ADORA2B: variants seen among roughly 807,000 people sequenced by gnomAD.
The protein encoded by ADORA2B is adenosine receptor A2b.
A neutral mutation model predicts 20.8 loss-of-function variants in ADORA2B; 18 were observed. The observed-to-expected ratio is 0.87, with a 90% confidence interval of 0.60 to 1.29. The LOEUF is 1.29. ADORA2B is among the 50% of genes most tolerant of loss of function. The pLI is 0.00. For synonymous variants in ADORA2B, 179 were observed against 178.3 expected (o/e 1.00, Z -0.03); for missense variants, 441 against 422.7 (o/e 1.04, Z -0.38).
At chr17:15,933,510 G>T in the ADORA2B span, among the ~76,000 whole-genome samples, 2 of 152,006 alleles carry the variant, frequency 1.3e-5, no homozygotes, top group African/African-American at 2.4e-5. Context: ...TAAAAGTCTT[G>T]TGCTTCTTTG....
the ADORA2B span, among the ~76,000 whole-genome samples, chr17:15,861,824 T>G: frequency 1.3e-5 from 2 of 152,240 alleles, no homozygotes; most frequent in Non-Finnish European, 2.9e-5. Flanking sequence ...TGCTTCTTCA[T>G]GTTGGTTAAT....
chr17:15,926,002 G>C, the ADORA2B span, among the ~76,000 whole-genome samples: 1 of 152,058 alleles, frequency 6.6e-6, no homozygotes, highest in Non-Finnish European at 1.5e-5. Context: ...TAAGGCGAAT[G>C]GGATGAGAGG....
chr17:15,850,485 A>G, the ADORA2B span: 1 of 152,378 alleles, frequency 6.6e-6, no homozygotes, highest in Non-Finnish European at 1.5e-5. Flanking sequence ...ATACTTCTCA[A>G]GTCACCAAAG....
At chr17:15,943,517 G>C (rs888293836), upstream of ADORA2B, among the ~76,000 whole-genome samples, 1 of 152,196 alleles carries the variant, frequency 6.6e-6, no homozygotes, top group African/African-American at 2.4e-5. Context: ...TGTTTGTTTA[G>C]AGATGGGGTC....
chr17:15,857,735 A>G, the ADORA2B span, among the ~76,000 whole-genome samples: 4 of 151,774 alleles, frequency 2.6e-5, no homozygotes, highest in African/African-American at 9.7e-5. Context: ...TTGGAACAGG[A>G]GCATTTATTC....
upstream of ADORA2B, among the ~76,000 whole-genome samples, chr17:15,941,264 C>G (rs571410957): frequency 2.6e-5 from 4 of 152,290 alleles, no homozygotes; most frequent in South Asian, 8.3e-4. Context: ...CCTCCTGCCC[C>G]TTTTTAGCCT....
At chr17:15,862,096 T>C in the ADORA2B span, among the ~76,000 whole-genome samples, 1 of 152,030 alleles carries the variant, frequency 6.6e-6, no homozygotes, top group Non-Finnish European at 1.5e-5. Flanking sequence ...TTTCACAGTC[T>C]AAATACTGTT....
the ADORA2B span, among the ~76,000 whole-genome samples, chr17:15,936,854 G>T: frequency 7.9e-5 from 12 of 152,178 alleles, no homozygotes; most frequent in Non-Finnish European, 1.2e-4. Context: ...TACTCAGGAG[G>T]CTAAGACAAA....
chr17:15,920,065 AT>A, the ADORA2B span, among the ~76,000 whole-genome samples: 11 of 151,688 alleles, frequency 7.3e-5, no homozygotes, highest in Admixed American at 7.2e-4. Flanking sequence ...TACTACAGTA[AT>A]TTTTTTTTGA....
upstream of ADORA2B, among the ~76,000 whole-genome samples, chr17:15,941,989 G>A (rs1194946619): frequency 6.6e-6 from 1 of 152,038 alleles, no homozygotes; most frequent in Non-Finnish European, 1.5e-5. Flanking sequence ...GGTACCAGGT[G>A]GGGCTGGGGT....
At chr17:15,882,789 G>A in the ADORA2B span, among the ~76,000 whole-genome samples, 1 of 152,002 alleles carries the variant, frequency 6.6e-6, no homozygotes, top group African/African-American at 2.4e-5. Context: ...GACTGAGGGT[G>A]ATTTAAGTTT....
At chr17:15,865,462 G>A in the ADORA2B span, among the ~76,000 whole-genome samples, 745 of 151,306 alleles carry the variant, frequency 4.9e-3, 4 homozygotes, top group African/African-American at 0.014. Flanking sequence ...GGGTTTCACC[G>A]TGTTGGCCAG....
chr17:15,975,694 C>G lies in ADORA2B; in HGVS notation c.*352C>G. Reference sequence around the variant, plus strand: ...AGTGTGAACTATTATAATGCAAATACTTTTTAACTTAGAGGCAATGGAAAA... The same window carrying G: ...AGTGTGAACTATTATAATGCAAATAGTTTTTAACTTAGAGGCAATGGAAAA... On this transcript the variant is annotated 3_prime_UTR_variant, in exon 2 of 2. Coordinates refer to ENST00000304222, the MANE Select transcript of ADORA2B (RefSeq NM_000676.4). 1 of 197,168 alleles carries G rather than the reference C, an allele frequency of 5.1e-6. No homozygotes were observed. The allele number at this position is 197,168 out of a possible 1,614,324, so 12.2% of individuals were successfully genotyped here.
the ADORA2B span, among the ~76,000 whole-genome samples, chr17:15,895,312 A>G: frequency 2.0e-5 from 3 of 152,338 alleles, no homozygotes; most frequent in East Asian, 1.9e-4. Context: ...CCATCACAGA[A>G]TGTATTAAAA....
At chr17:15,865,685 C>G in the ADORA2B span, among the ~76,000 whole-genome samples, 1 of 151,634 alleles carries the variant, frequency 6.6e-6, no homozygotes, top group African/African-American at 2.4e-5. Flanking sequence ...TAACCCCTCA[C>G]TACTCCCTAA....
At chr17:15,862,142 T>C in the ADORA2B span, among the ~76,000 whole-genome samples, 2 of 152,044 alleles carry the variant, frequency 1.3e-5, no homozygotes, top group African/African-American at 4.8e-5. Context: ...CATGAAGTTA[T>C]AGCTAACACC....
intron 1 of ADORA2B, among the ~76,000 whole-genome samples, chr17:15,955,001 C>CT (rs536861131): frequency 6.7e-6 from 1 of 149,764 alleles, no homozygotes; most frequent in Non-Finnish European, 1.5e-5. Context: ...GTAACTCTTA[C>CT]TTTTTTTTTT....
At chr17:15,917,339 A>G in the ADORA2B span, among the ~76,000 whole-genome samples, 1 of 152,182 alleles carries the variant, frequency 6.6e-6, no homozygotes, top group South Asian at 2.1e-4. Flanking sequence ...AGAGGGGGCT[A>G]GGCGGGGACA....
intron 1 of ADORA2B, among the ~76,000 whole-genome samples, chr17:15,959,662 G>A (rs945314327): frequency 3.3e-5 from 5 of 152,050 alleles, no homozygotes; most frequent in African/African-American, 9.7e-5. Flanking sequence ...CACCATGCCT[G>A]GCTAATTTTT....
Sources: gnomAD v4.1 joint callset for allele counts (sites outside exome capture counted in the v4.1 genomes callset) on GRCh38, gnomAD v4.1.1 for gene constraint, MANE v1.5 for transcripts, NCBI Gene and HGNC (gene_info 2026-07-23, HGNC 2026-07-21) for gene names.